MED17: variants seen among roughly 807,000 people sequenced by gnomAD.
MED17 encodes mediator complex subunit 17, also known as mediator of RNA polymerase II transcription subunit 17.
In MED17, 49 loss-of-function variants were observed where a neutral mutation model predicts 80.8. That is an observed-to-expected ratio of 0.61 (90% CI 0.48 to 0.77). MED17 has a LOEUF of 0.77. Ranked by LOEUF, MED17 falls within the 30% of genes least tolerant of loss-of-function variation. The pLI is 0.00. For missense variants in MED17, 718 were observed against 787.0 expected (o/e 0.91, Z 1.05); for synonymous variants, 281 against 280.4 (o/e 1.00, Z -0.02).
Position 93,814,726 on chromosome 11 carries a change from A to G in MED17, c.*2662A>G, listed in dbSNP as rs907380987. On this transcript the variant is annotated 3_prime_UTR_variant, in exon 12 of 12. Transcript: ENST00000251871. ...TGAGACACCAGCTGTATTTATTAGG[A>G]GAAAGCATTTCAGAATGTCCTGTAT... 2 of 152,236 alleles carry G rather than the reference A, an allele frequency of 1.3e-5. No homozygotes were observed. Among genetic ancestry groups the G allele is most frequent in the Admixed American group, 1.3e-4 (2 of 15,274 alleles). The allele number at this position is 152,236 out of a possible 1,614,324, so 9.4% of individuals were successfully genotyped here. A position where few individuals can be genotyped will look rare whatever the true frequency, so the allele number is the denominator to read the frequency against.
chr11:93,810,604 C>T (rs1266507244), intron 11 of MED17: 2 of 152,354 alleles, frequency 1.3e-5, no homozygotes, highest in Admixed American at 1.3e-4. Flanking sequence ...CTCAGATGAT[C>T]TGCCTGCCTC....
At chr11:93,789,871 A>T (rs1338497386) in intron 2 of MED17, 1 of 151,244 alleles carries the variant, frequency 6.6e-6, no homozygotes, top group East Asian at 1.9e-4. Flanking sequence ...AAGCAGGAGG[A>T]TCACTTGAGC....
chr11:93,785,722 A>T (rs1392417001), intron 1 of MED17, among the ~76,000 whole-genome samples: 1 of 152,210 alleles, frequency 6.6e-6, no homozygotes, highest in Non-Finnish European at 1.5e-5. Flanking sequence ...TTCGGAAATA[A>T]CAGGACAGGC....
Position 93,795,212 on chromosome 11 carries a change from A to T in MED17, c.1012+152A>T. ...TGACAGCCAGTAAAGCATGTAACACAAACTATACTGTGGAATCTGTTCTGT... is the reference window on the plus strand; with the variant it reads ...TGACAGCCAGTAAAGCATGTAACACTAACTATACTGTGGAATCTGTTCTGT... On this transcript the variant is annotated intron_variant, in intron 6 of 11. Coordinates refer to ENST00000251871, the MANE Select transcript of MED17 (RefSeq NM_004268.5). The T allele has an allele frequency of 1.0e-5, 9 of 864,734 alleles. No homozygotes were observed. In the South Asian group the frequency reaches 1.2e-4, roughly 12 times the overall value. 53.6% of individuals were successfully genotyped at this position (864,734 alleles called of 1,614,324 possible). A position where few individuals can be genotyped will look rare whatever the true frequency, so the allele number is the denominator to read the frequency against.
chr11:93,793,114 C>CTTTTTTTTTTGTTTTTT (rs1943856714), intron 3 of MED17: 1 of 52,154 alleles, frequency 1.9e-5, no homozygotes, highest in Admixed American at 4.2e-4. Context: ...GAGTACACCT[C>CTTTTTTTTTTGTTTTTT]TTTTTTTTTT....
Position 93,812,160 on chromosome 11 carries a change from G to C in MED17, c.*96G>C. On this transcript the variant is annotated 3_prime_UTR_variant, in exon 12 of 12. Transcript: ENST00000251871. ...CACAAAGAAGAGATAACTTCCAAAA[G>C]AGTGCTGTTTTTAAAAATAATAATT... 9.6e-7 allele frequency: 1 copy of C among 1,038,584 alleles called. No homozygotes were observed. Among genetic ancestry groups the C allele is most frequent in the Non-Finnish European group, 1.5e-6 (1 of 672,656 alleles). The allele number at this position is 1,038,584 out of a possible 1,614,324, so 64.3% of individuals were successfully genotyped here.
chr11:93,797,290 T>G lies in MED17; in HGVS notation c.1144-245T>G. ...GTGACTCCCTCAAACCTTATTAGGA[T>G]GTCGGCGCATTACCCATCTGACATG... On this transcript the variant is annotated intron_variant, in intron 7 of 11. Transcript: ENST00000251871. 6.3e-6 allele frequency: 3 copies of G among 479,388 alleles called. No individual in the cohort carries two copies. The South Asian group carries it at 7.1e-5, about 11-fold the overall frequency. 29.7% of individuals were successfully genotyped at this position (479,388 alleles called of 1,614,324 possible).
At chr11:93,797,297 G>A (rs1286234459) in intron 7 of MED17, 11 of 499,814 alleles carry the variant, frequency 2.2e-5, no homozygotes, top group East Asian at 7.0e-5. Context: ...GGATGTCGGC[G>A]CATTACCCAT....
In MED17 at chr11:93,812,138, A is replaced by C. The variant is rs920274051; in HGVS notation, c.*74A>C. ...ATGTTTGCAGATCAACTATAAGCAC[A>C]AAGAAGAGATAACTTCCAAAAGAGT... On this transcript the variant is annotated 3_prime_UTR_variant, in exon 12 of 12. Coordinates refer to ENST00000251871, the MANE Select transcript of MED17 (RefSeq NM_004268.5). The C allele has an allele frequency of 1.2e-5, 15 of 1,257,790 alleles. No individual in the cohort carries two copies. Among genetic ancestry groups the C allele is most frequent in the Middle Eastern group, 2.2e-4 (1 of 4,478 alleles). The allele number at this position is 1,257,790 out of a possible 1,614,324, so 77.9% of individuals were successfully genotyped here.
In MED17 at chr11:93,813,935, G is replaced by C. The variant is rs962027188; in HGVS notation, c.*1871G>C. On this transcript the variant is annotated 3_prime_UTR_variant, in exon 12 of 12. Transcript: ENST00000251871. ...TTGCCATCTTGGCCAGGCTGGTCTTGAACTCCTGGCCTCAATTGATCCGCC... is the reference window on the plus strand; with the variant it reads ...TTGCCATCTTGGCCAGGCTGGTCTTCAACTCCTGGCCTCAATTGATCCGCC... 1 of 152,144 alleles carries C rather than the reference G, an allele frequency of 6.6e-6. No individual in the cohort carries two copies. Among genetic ancestry groups the C allele is most frequent in the Non-Finnish European group, 1.5e-5 (1 of 68,046 alleles). The allele number at this position is 152,144 out of a possible 1,614,324, so 9.4% of individuals were successfully genotyped here.
intron 8 of MED17, among the ~76,000 whole-genome samples, chr11:93,798,004 C>T (rs1294886034): frequency 2.0e-5 from 3 of 152,142 alleles, no homozygotes; most frequent in Non-Finnish European, 4.4e-5. Flanking sequence ...GTAACCCAGC[C>T]GTGAGATACT....
intron 1 of MED17, among the ~76,000 whole-genome samples, chr11:93,786,847 T>C (rs959310018): frequency 6.6e-6 from 1 of 152,174 alleles, no homozygotes; most frequent in African/African-American, 2.4e-5. Context: ...GTTGCACATA[T>C]ACAGGGTATA....
intron 1 of MED17, 123 bp from the exon 2 acceptor site, chr11:93,787,878 G>A: frequency 1.1e-6 from 1 of 869,746 alleles, no homozygotes; most frequent in South Asian, 1.4e-5. Flanking sequence ...GCATAAATAA[G>A]AGAACAATTT....
intron 1 of MED17, among the ~76,000 whole-genome samples, chr11:93,787,595 G>A (rs918454373): frequency 2.0e-5 from 3 of 151,896 alleles, no homozygotes; most frequent in African/African-American, 7.3e-5. Context: ...TTTTTTAATG[G>A]TTAAAAGGAA....
intron 10 of MED17, chr11:93,808,060 G>A: frequency 4.3e-6 from 1 of 232,086 alleles, no homozygotes; most frequent in Non-Finnish European, 8.5e-6. Flanking sequence ...CCAAGGGGCA[G>A]TATAGAAAGT....
Position 93,812,425 on chromosome 11 carries a change from C to T in MED17, c.*361C>T, listed in dbSNP as rs1447048394. 4.2e-6 allele frequency: 2 copies of T among 472,890 alleles called. No individual in the cohort carries two copies. Among genetic ancestry groups the T allele is most frequent in the Non-Finnish European group, 7.3e-6 (2 of 272,732 alleles). 29.3% of individuals were successfully genotyped at this position (472,890 alleles called of 1,614,324 possible). A position where few individuals can be genotyped will look rare whatever the true frequency, so the allele number is the denominator to read the frequency against. On this transcript the variant is annotated 3_prime_UTR_variant, in exon 12 of 12. Coordinates refer to ENST00000251871, the MANE Select transcript of MED17 (RefSeq NM_004268.5). ...AAAAAATCTCCAAATACCTTTTTTT[C>T]CCCCCAAATACTTTCTAAACTTTTT... is the stretch of plus-strand genomic sequence containing the variant.
chr11:93,798,537 G>A (rs1023627841), intron 8 of MED17, among the ~76,000 whole-genome samples: 5 of 152,080 alleles, frequency 3.3e-5, no homozygotes, highest in African/African-American at 7.2e-5. Flanking sequence ...GTCTTAAAGT[G>A]GAAATTTAGG....
At chr11:93,803,754 CT>C (rs994109980) in intron 9 of MED17, among the ~76,000 whole-genome samples, 5 of 151,894 alleles carry the variant, frequency 3.3e-5, no homozygotes, top group African/African-American at 7.3e-5. Context: ...ATTGTTTAGA[CT>C]TAGAACTAAG....
At chr11:93,807,039 T>C (rs1944032694) in intron 9 of MED17, 1 of 173,178 alleles carries the variant, frequency 5.8e-6, no homozygotes, top group African/African-American at 2.4e-5. Flanking sequence ...TGGTCTATGG[T>C]ATTCTGGGGT....
Sources: gnomAD v4.1 joint callset for allele counts (sites outside exome capture counted in the v4.1 genomes callset) on GRCh38, gnomAD v4.1.1 for gene constraint, MANE v1.5 for transcripts, NCBI Gene and HGNC (gene_info 2026-07-23, HGNC 2026-07-21) for gene names.